CD5L: variants seen among roughly 807,000 people sequenced by gnomAD.
The protein encoded by CD5L is CD5 molecule like.
In CD5L, 39 loss-of-function variants were observed where a neutral mutation model predicts 40.8. The ratio of observed to expected loss-of-function variants is 0.96; its 90% CI spans 0.74 to 1.25. The LOEUF (loss-of-function observed/expected upper bound fraction) is 1.25, where lower values mean the gene tolerates loss of function less well. Ranked by LOEUF, CD5L falls within the 50% of genes most tolerant of loss-of-function variation. The pLI, the probability that CD5L is intolerant of heterozygous loss-of-function variation, is 0.00. For missense variants in CD5L, 433 were observed against 435.9 expected (o/e 0.99, Z 0.06); for synonymous variants, 192 against 169.6 (o/e 1.13, Z -1.03).
At chr1:157,833,539 G>A (rs1289497108) in intron 4 of CD5L, 27 bp from the exon 5 acceptor site, 6 of 1,538,028 alleles carry the variant, frequency 3.9e-6, no homozygotes, top group African/African-American at 1.4e-5. Context: ...GAAGTCAGGG[G>A]TTGGAGACAG....
intron 2 of CD5L, 95 bp from the exon 3 acceptor site, chr1:157,836,250 A>C: frequency 4.0e-6 from 4 of 998,294 alleles, no homozygotes; most frequent in Non-Finnish European, 4.4e-6. Context: ...CCACCATTCA[A>C]ATGGTGCAGA....
chr1:157,831,616 G>T lies in CD5L; in HGVS notation c.*348C>A. 9.1e-7 allele frequency: 1 copy of T among 1,100,926 alleles called. No homozygotes were observed. The highest frequency in any genetic ancestry group is 1.1e-6 in the Non-Finnish European group (1 of 904,936). 68.2% of individuals were successfully genotyped at this position (1,100,926 alleles called of 1,614,324 possible). On this transcript the variant is annotated 3_prime_UTR_variant, in exon 6 of 6. Transcript: ENST00000368174. ...GTAATGTTTGCAGACATAGACCTTA[G>T]TAATGGTCTGCACATCTGACCAAAG...
In CD5L at chr1:157,839,400, G is replaced by A. The variant is rs1656304029; in HGVS notation, c.39C>T (p.Thr13=). Residue 13 remains threonine (T), a synonymous_variant, in exon 2 of 6, where the codon ACC becomes ACT. Transcript: ENST00000368174. ...LLFSLILAIC[T]RPGFLASPSG... is the part of the protein sequence containing the mutation. The stretch of plus-strand genomic sequence containing the variant: ...AAATCTTACCTAGGAATCCAGGTCT[G>A]GTGCAAATGGCTGGGGAAGAAAGAA... 6.2e-7 allele frequency: 1 copy of A among 1,613,368 alleles called. No individual in the cohort carries two copies. Among genetic ancestry groups the A allele is most frequent in the Non-Finnish European group, 8.5e-7 (1 of 1,179,844 alleles).
chr1:157,839,373 A>G lies in CD5L; in HGVS notation c.55+11T>C, dbSNP rs1371101728. On this transcript the variant is annotated intron_variant, in intron 2 of 5. Coordinates refer to ENST00000368174, the MANE Select transcript of CD5L (RefSeq NM_005894.3). ...TGAGGCCTCCCTCTCAGAAACCCCC[A>G]AAAATCTTACCTAGGAATCCAGGTC... The G allele has an allele frequency of 4.3e-6, 7 of 1,613,476 alleles. No individual in the cohort carries two copies. The African/African-American group carries it at 9.4e-5, about 22-fold the overall frequency.
At chr1:157,829,349 T>C (rs184878632), downstream of CD5L, among the ~76,000 whole-genome samples, 151 of 152,328 alleles carry the variant, frequency 9.9e-4, 1 homozygote, top group African/African-American at 3.4e-3. Flanking sequence ...GTAACAAAGT[T>C]GAAGAGAGCT....
chr1:157,828,458 G>A (rs369471215), downstream of CD5L, among the ~76,000 whole-genome samples: 1 of 152,028 alleles, frequency 6.6e-6, no homozygotes, highest in Non-Finnish European at 1.5e-5. Context: ...AATTTTCACT[G>A]GTACTCAGGA....
intron 3 of CD5L, among the ~76,000 whole-genome samples, chr1:157,835,239 C>T (rs1656173157): frequency 6.6e-6 from 1 of 152,124 alleles, no homozygotes. Context: ...CAAAGAGGAG[C>T]CATGGACTAG....
chr1:157,838,061 C>A (rs940840512), intron 2 of CD5L, among the ~76,000 whole-genome samples: 46 of 152,136 alleles, frequency 3.0e-4, no homozygotes, highest in Non-Finnish European at 5.0e-4. Flanking sequence ...CAGGTGTGAG[C>A]CACCACGCCT....
intron 3 of CD5L, among the ~76,000 whole-genome samples, chr1:157,835,192 A>G (rs1473600260): frequency 6.6e-6 from 1 of 152,254 alleles, no homozygotes; most frequent in Admixed American, 6.5e-5. Context: ...CAAGGCAAAA[A>G]GTGACTGTTT....
intron 2 of CD5L, among the ~76,000 whole-genome samples, chr1:157,837,214 C>G (rs1252972415): frequency 6.6e-6 from 1 of 152,064 alleles, no homozygotes; most frequent in Non-Finnish European, 1.5e-5. Flanking sequence ...GAGCAAGACT[C>G]CATCTCAAAA....
chr1:157,832,069 C>T, intron 5 of CD5L, 101 bp from the exon 6 acceptor site: 1 of 957,020 alleles, frequency 1.0e-6, no homozygotes, highest in Non-Finnish European at 1.6e-6. Context: ...TGGGGCTCAA[C>T]ATAGGAAAAA....
intron 4 of CD5L, among the ~76,000 whole-genome samples, chr1:157,833,791 TA>T (rs1459055353): frequency 2.3e-4 from 34 of 146,692 alleles, no homozygotes; most frequent in African/African-American, 6.2e-4. Flanking sequence ...TTTTTTTTTT[TA>T]AGAGACAGGG....
chr1:157,832,493 C>G (rs1656076266), intron 5 of CD5L, among the ~76,000 whole-genome samples: 1 of 152,138 alleles, frequency 6.6e-6, no homozygotes, highest in Admixed American at 6.5e-5. Context: ...AGACGGGTGG[C>G]TTTTTTGAGT....
At position 157,831,122 on chromosome 1, in the gene CD5L, G is replaced by A. The variant is rs1255883189; in HGVS notation, c.*842C>T. 6 of 985,208 alleles carry A rather than the reference G, an allele frequency of 6.1e-6. No homozygotes were observed. The South Asian group carries it at 2.3e-4, about 39-fold the overall frequency. The allele number at this position is 985,208 out of a possible 1,614,324, so 61.0% of individuals were successfully genotyped here. A position where few individuals can be genotyped will look rare whatever the true frequency, so the allele number is the denominator to read the frequency against. On this transcript the variant is annotated 3_prime_UTR_variant, in exon 6 of 6. Transcript: ENST00000368174. ...TATTTTTCACTTTCGCTTGGCATAA[G>A]ACACAACTTTAGCCCTCCCTGATCT... is the stretch of plus-strand genomic sequence containing the variant.
At chr1:157,832,617 ACT>A (rs888991544) in intron 5 of CD5L, among the ~76,000 whole-genome samples, 1 of 152,008 alleles carries the variant, frequency 6.6e-6, no homozygotes, top group Non-Finnish European at 1.5e-5. Flanking sequence ...CTCTCTGATA[ACT>A]CTCTTATGGG....
intron 1 of CD5L, among the ~76,000 whole-genome samples, 161 bp downstream of exon 1, chr1:157,841,513 C>T (rs538831188): frequency 1.6e-4 from 24 of 152,254 alleles, no homozygotes; most frequent in South Asian, 6.2e-4. Flanking sequence ...ATGGATTAAG[C>T]GGCTTTTTAA....
chr1:157,839,325 C>T, intron 2 of CD5L, 59 bp downstream of exon 2: 1 of 1,554,710 alleles, frequency 6.4e-7, no homozygotes, highest in Non-Finnish European at 8.9e-7. Flanking sequence ...CAAGAAGCTT[C>T]AAAATTTTCC....
At chr1:157,830,892 A>G (rs1656028827), downstream of CD5L, 1 of 937,692 alleles carries the variant, frequency 1.1e-6, no homozygotes, top group Non-Finnish European at 1.3e-6. Flanking sequence ...CAGAAAGAGC[A>G]TATCACACAG....
chr1:157,835,657 G>A (rs1175008434), intron 3 of CD5L, among the ~76,000 whole-genome samples, 178 bp downstream of exon 3: 2 of 152,222 alleles, frequency 1.3e-5, no homozygotes, highest in Non-Finnish European at 2.9e-5. Context: ...AGGAATTGCA[G>A]TTCTAGGTGA....
Sources: gnomAD v4.1 joint callset for allele counts (sites outside exome capture counted in the v4.1 genomes callset) on GRCh38, gnomAD v4.1.1 for gene constraint, MANE v1.5 for transcripts, NCBI Gene and HGNC (gene_info 2026-07-23, HGNC 2026-07-21) for gene names.